Variants in IRS2 observed in about 807,000 individuals in gnomAD.
IRS2 encodes the protein insulin receptor substrate 2.
In IRS2, 28 loss-of-function variants were observed where a neutral mutation model predicts 70.9. The observed-to-expected ratio is 0.39, with a 90% confidence interval of 0.29 to 0.54. The LOEUF is 0.54. IRS2 is among the 20% of genes least tolerant of loss of function. The probability of loss-of-function intolerance (pLI) is 0.59; values close to 1 mark genes in which losing one functional copy is unlikely to be tolerated. For synonymous variants in IRS2, 1,217 were observed against 981.9 expected (o/e 1.24, Z -4.48); for missense variants, 2,081 against 2,024.1 (o/e 1.03, Z -0.54).
Position 109,782,030 on chromosome 13 carries a change from G to C in IRS2, c.4012+12C>G, listed in dbSNP as rs771212848. ...CCTTCCCGCCAGACGCCAAGGCAAAGGGCCTCCTCACCTTTCACGATGGTG... is the reference window on the plus strand; with the variant it reads ...CCTTCCCGCCAGACGCCAAGGCAAACGGCCTCCTCACCTTTCACGATGGTG... On this transcript the variant is annotated intron_variant, in intron 1 of 1. Transcript: ENST00000375856. 3.7e-6 allele frequency: 6 copies of C among 1,611,746 alleles called. No homozygotes were observed. The highest frequency in any genetic ancestry group is 1.6e-4 in the Middle Eastern group (1 of 6,084).
intron 1 of IRS2, among the ~76,000 whole-genome samples, chr13:109,757,958 A>C (rs1290031274): frequency 6.6e-6 from 1 of 152,260 alleles, no homozygotes. Context: ...CTGGGATTAC[A>C]GGCGTGGGCC....
In IRS2 at chr13:109,783,570, G is replaced by A. The variant is rs770864811; in HGVS notation, c.2484C>T (p.Ser828=). The A allele has an allele frequency of 3.9e-6, 6 of 1,549,290 alleles. No homozygotes were observed. The highest frequency in any genetic ancestry group is 3.6e-5 in the South Asian group (3 of 84,012). Reference sequence around the variant, plus strand: ...CCTCCTCCAGGATGCGCCCCACGGGGGAGCTCATGAGCACGTACTGGTCGC... The same window carrying A: ...CCTCCTCCAGGATGCGCCCCACGGGAGAGCTCATGAGCACGTACTGGTCGC... ...GDSDQYVLMS[S]PVGRILEEER... The change falls in exon 1 of 2, where the codon TCC becomes TCT. Residue 828 remains serine (S), a synonymous_variant. Coordinates refer to ENST00000375856, the MANE Select transcript of IRS2 (RefSeq NM_003749.3).
In IRS2 at chr13:109,785,834, C is replaced by G; in HGVS notation, c.220G>C (p.Glu74Gln). ...CACTTTTTCTCGCTCTCGTAGTACT[C>G]GAGCCGCGGCGGTTGCGGCGCCGAC... The part of the protein sequence containing the change: ...GGSAPQPPRL[E>Q]YYESEKKWRS... The change falls in exon 1 of 2, where the codon GAG becomes CAG. Residue 74 changes from glutamate (E) to glutamine (Q), a missense_variant. Physicochemically the swap from Glu to Gln is conservative, Grantham distance 29. Transcript: ENST00000375856. The surrounding 1 kb of genome is among the most constrained non-coding windows in gnomAD (Gnocchi z 9.3). 1 of 1,544,300 alleles carries G rather than the reference C, an allele frequency of 6.5e-7. No individual in the cohort carries two copies. Among genetic ancestry groups the G allele is most frequent in the Non-Finnish European group, 8.7e-7 (1 of 1,152,426 alleles).
rs370070067 is a variant in IRS2 at position 109,784,532 on chromosome 13, C to T, written c.1522G>A (p.Gly508Ser). 243 of 1,521,138 alleles carry T rather than the reference C, an allele frequency of 1.6e-4. No homozygotes were observed. Among genetic ancestry groups the T allele is most frequent in the Middle Eastern group, 7.2e-4 (4 of 5,594 alleles). The allele number at this position is 1,521,138 out of a possible 1,614,324, so 94.2% of individuals were successfully genotyped here. A position where few individuals can be genotyped will look rare whatever the true frequency, so the allele number is the denominator to read the frequency against. Residue 508 changes from glycine to serine, a missense_variant, in exon 1 of 2, where the codon GGC (glycine) becomes AGC (serine). Gly to Ser is a moderately conservative substitution (Grantham distance 56). Transcript: ENST00000375856. The surrounding 1 kb of genome is among the most constrained non-coding windows in gnomAD (Gnocchi z 5.2). ...TGGCTGCAGAAGGCGCGCAGGTCGC[C>T]TGGGCTGGAGCCGTACTCGTCCAGG... ...MSLDEYGSSP[G>S]DLRAFCSHRS...
Position 109,785,555 on chromosome 13 carries a change from G to T in IRS2, c.499C>A (p.Leu167Met). The T allele has an allele frequency of 3.4e-6, 5 of 1,480,748 alleles. No homozygotes were observed. Among genetic ancestry groups the T allele is most frequent in the Non-Finnish European group, 4.5e-6 (5 of 1,111,246 alleles). 91.7% of individuals were successfully genotyped at this position (1,480,748 alleles called of 1,614,324 possible). A position where few individuals can be genotyped will look rare whatever the true frequency, so the allele number is the denominator to read the frequency against. The change falls in exon 1 of 2, where the codon CTG becomes ATG. Residue 167 changes from leucine (L) to methionine (M), a missense_variant. Around this residue, in one of 4 missense-constraint regions of IRS2, gnomAD observed 320 missense variants for 352.9 expected, o/e 0.91. Coordinates refer to ENST00000375856, the MANE Select transcript of IRS2 (RefSeq NM_003749.3). This position sits in a 1 kb window ranked among gnomAD's most constrained non-coding sequence, Gnocchi z 9.3. Reference sequence around the variant, plus strand: ...GCAGAGCCGCCCAGGGCGCCGGGCAGGGAGGCGCTGCAGGACGCGGCGGGC... The same window carrying T: ...GCAGAGCCGCCCAGGGCGCCGGGCATGGAGGCGCTGCAGGACGCGGCGGGC... ...AAPAASCSASLPGALGGSAGA... is the reference protein window; with the variant it reads ...AAPAASCSASMPGALGGSAGA...
Position 109,785,538 on chromosome 13 carries a change from G to C in IRS2, c.516C>G (p.Gly172=), listed in dbSNP as rs2138938527. The C allele has an allele frequency of 6.4e-7, 1 of 1,564,782 alleles. No homozygotes were observed. ...CGGCCCCGGCGGCGCCGGCAGAGCC[G>C]CCCAGGGCGCCGGGCAGGGAGGCGC... ...SCSASLPGAL[G]GSAGAAGAED... is the part of the protein sequence containing the mutation. Residue 172 remains glycine (G), a synonymous_variant, in exon 1 of 2, where the codon GGC becomes GGG. Coordinates refer to ENST00000375856, the MANE Select transcript of IRS2 (RefSeq NM_003749.3). This position sits in a 1 kb window ranked among gnomAD's most constrained non-coding sequence, Gnocchi z 9.3.
rs1404977739 is a variant in IRS2, at chr13:109,783,818, A to C, written c.2236T>G (p.Trp746Gly). The C allele has an allele frequency of 6.3e-7, 1 of 1,591,732 alleles. No homozygotes were observed. The highest frequency in any genetic ancestry group is 8.5e-7 in the Non-Finnish European group (1 of 1,169,646). ...SPEDSGYMRM[W>G]CGSKLSMEHA... ...TCCATGGACAGCTTGGAACCGCACC[A>C]CATGCGCATGTACCCACTGTCCTCG... Residue 746 changes from tryptophan (W) to glycine (G), a missense_variant, in exon 1 of 2, where the codon TGG becomes GGG. Trp to Gly is a radical substitution (Grantham distance 184). This residue lies in a region of IRS2 where 1,615 missense variants were observed against 1,459.5 expected (regional missense o/e 1.11). Coordinates refer to ENST00000375856, the MANE Select transcript of IRS2 (RefSeq NM_003749.3).
rs1199525698 is a variant in IRS2, at chr13:109,782,960, G to A, written c.3094C>T (p.Pro1032Ser). 12 of 1,411,804 alleles carry A rather than the reference G, an allele frequency of 8.5e-6. 1 individual carries two copies. Among genetic ancestry groups the A allele is most frequent in the Non-Finnish European group, 1.1e-5 (12 of 1,080,106 alleles). 87.5% of individuals were successfully genotyped at this position (1,411,804 alleles called of 1,614,324 possible). A position where few individuals can be genotyped will look rare whatever the true frequency, so the allele number is the denominator to read the frequency against. ...TCCCCCGGGGCCGGCGGCGGTGGCG[G>A]CGGCTGCAGAGACGACGACGGGGAC... ...SASPSSSLQP[P>S]PPPPAPGELY... Residue 1032 changes from proline (P) to serine (S), a missense_variant, in exon 1 of 2, where the codon CCG becomes TCG. Physicochemically the swap from Pro to Ser is moderately conservative, Grantham distance 74 (BLOSUM62 -1). Transcript: ENST00000375856.
rs2138935804 is a variant in IRS2, at chr13:109,784,448, C to T, written c.1606G>A (p.Gly536Ser). 1 of 1,584,912 alleles carries T rather than the reference C, an allele frequency of 6.3e-7. No homozygotes were observed. Among genetic ancestry groups the T allele is most frequent in the Non-Finnish European group, 8.6e-7 (1 of 1,162,238 alleles). ...ETPPARDGGG[G>S]GEFYGYMTMD... ...GTCATGTACCCGTAGAACTCACCGCCGCCGCCGCCGTCTCGGGCCGGGGGC... is the reference window on the plus strand; with the variant it reads ...GTCATGTACCCGTAGAACTCACCGCTGCCGCCGCCGTCTCGGGCCGGGGGC... Residue 536 changes from glycine (G) to serine (S), a missense_variant, in exon 1 of 2, where the codon GGC (glycine) becomes AGC (serine). Physicochemically the swap from Gly to Ser is moderately conservative, Grantham distance 56 (BLOSUM62 0). Coordinates refer to ENST00000375856, the MANE Select transcript of IRS2 (RefSeq NM_003749.3). The surrounding 1 kb of genome is among the most constrained non-coding windows in gnomAD (Gnocchi z 5.2).
At position 109,784,200 on chromosome 13, in the gene IRS2, C is replaced by T. The variant is rs1877835886; in HGVS notation, c.1854G>A (p.Ala618=). 1 of 1,574,094 alleles carries T rather than the reference C, an allele frequency of 6.4e-7. No individual in the cohort carries two copies. The highest frequency in any genetic ancestry group is 1.7e-5 in the Admixed American group (1 of 57,628). The change falls in exon 1 of 2, where the codon GCG becomes GCA. Residue 618 remains alanine, a synonymous_variant. Coordinates refer to ENST00000375856, the MANE Select transcript of IRS2 (RefSeq NM_003749.3). The surrounding 1 kb of genome is among the most constrained non-coding windows in gnomAD (Gnocchi z 5.2). ...GGTGGTAGGCCACCTTGGGAGAGGA[C>T]GCGGGGCAGGACGGGCAGAGGCGGC... is the stretch of plus-strand genomic sequence containing the variant. ...SAGRLCPSCP[A]SSPKVAYHPY... is the part of the protein sequence containing the mutation.
At chr13:109,771,542 A>G (rs1410764957) in intron 1 of IRS2, among the ~76,000 whole-genome samples, 1 of 152,246 alleles carries the variant, frequency 6.6e-6, no homozygotes, top group African/African-American at 2.4e-5. Context: ...TACAAGTCTC[A>G]GCACACTCAC....
rs1877861029 is a variant in IRS2, at chr13:109,784,757, T to C, written c.1297A>G (p.Met433Val). The change falls in exon 1 of 2, where the codon ATG becomes GTG. Residue 433 changes from methionine to valine, a missense_variant. By Grantham distance (21) the Met-to-Val change is conservative (BLOSUM62 1). Transcript: ENST00000375856. The surrounding 1 kb of genome is among the most constrained non-coding windows in gnomAD (Gnocchi z 5.2). ...GALQHSRSMS[M>V]PVAHSPPAAT... Reference sequence around the variant, plus strand: ...GCGGGCGGCGAGTGCGCCACGGGCATGGACATGGAGCGGCTGTGTTGCAGC... The same window carrying C: ...GCGGGCGGCGAGTGCGCCACGGGCACGGACATGGAGCGGCTGTGTTGCAGC... The C allele has an allele frequency of 8.1e-7, 1 of 1,239,512 alleles. No individual in the cohort carries two copies. Among genetic ancestry groups the C allele is most frequent in the Non-Finnish European group, 1.0e-6 (1 of 991,946 alleles). 76.8% of individuals were successfully genotyped at this position (1,239,512 alleles called of 1,614,324 possible).
rs2138939267 is a variant in IRS2 at position 109,785,811 on chromosome 13, CT to C, written c.242del (p.Lys81SerfsTer12). 6.3e-7 allele frequency: 1 copy of C among 1,579,584 alleles called. No individual in the cohort carries two copies. The highest frequency in any genetic ancestry group is 8.5e-7 in the Non-Finnish European group (1 of 1,170,672). The part of the protein sequence containing the change: ...PRLEYYESEK[K>X]WRSKAGAPKR... The stretch of plus-strand genomic sequence containing the variant: ...TCGGCGCGCCTGCCTTGCTCCGCCA[CT>C]TTTTCTCGCTCTCGTAGTACTCGAG... On this transcript the variant is annotated frameshift_variant, in exon 1 of 2. Coordinates refer to ENST00000375856, the MANE Select transcript of IRS2 (RefSeq NM_003749.3). LOFTEE classifies it high-confidence loss of function. This position sits in a 1 kb window ranked among gnomAD's most constrained non-coding sequence, Gnocchi z 9.3.
chr13:109,757,030 G>C (rs1877122144), intron 1 of IRS2, among the ~76,000 whole-genome samples: 1 of 152,224 alleles, frequency 6.6e-6, no homozygotes. Context: ...GCTGTGCTCA[G>C]AGGGGACAGG....
chr13:109,768,185 G>T (rs2138917623), intron 1 of IRS2, among the ~76,000 whole-genome samples: 1 of 152,326 alleles, frequency 6.6e-6, no homozygotes, highest in Non-Finnish European at 1.5e-5. Flanking sequence ...CACAGTTCAA[G>T]CAGATAATTC....
At chr13:109,773,569 A>G (rs1233572745) in intron 1 of IRS2, among the ~76,000 whole-genome samples, 1 of 152,240 alleles carries the variant, frequency 6.6e-6, no homozygotes, top group Non-Finnish European at 1.5e-5. Flanking sequence ...GGGGGTCTTC[A>G]TGAAACAATA....
At position 109,783,949 on chromosome 13, in the gene IRS2, ACGGCGGCGGCGGCGGCGG is replaced by A; in HGVS notation, c.2087_2104del (p.Ala696_Ala701del). The A allele has an allele frequency of 6.6e-7, 1 of 1,520,784 alleles. No individual in the cohort carries two copies. Among genetic ancestry groups the A allele is most frequent in the Non-Finnish European group, 8.8e-7 (1 of 1,138,746 alleles). 94.2% of individuals were successfully genotyped at this position (1,520,784 alleles called of 1,614,324 possible). ...TGGCCCCGCAGGCCCCGCAGAAGGCACGGCGGCGGCGGCGGCGGCGGCGGCCCTGGGCTGCAAGATCTG... is the reference window on the plus strand; with the variant it reads ...TGGCCCCGCAGGCCCCGCAGAAGGCACGGCGGCCCTGGGCTGCAAGATCTG... On this transcript the variant is annotated inframe_deletion, in exon 1 of 2. Coordinates refer to ENST00000375856, the MANE Select transcript of IRS2 (RefSeq NM_003749.3).
chr13:109,785,737 T>A lies in IRS2; in HGVS notation c.317A>T (p.Asp106Val). Residue 106 changes from aspartate (D) to valine (V), a missense_variant, in exon 1 of 2, where the codon GAC (aspartate) becomes GTC (valine). Around this residue, in one of 4 missense-constraint regions of IRS2, gnomAD observed 320 missense variants for 352.9 expected, o/e 0.91. Coordinates refer to ENST00000375856, the MANE Select transcript of IRS2 (RefSeq NM_003749.3). This position sits in a 1 kb window ranked among gnomAD's most constrained non-coding sequence, Gnocchi z 9.3. Reference sequence around the variant, plus strand: ...GGCGATCAGGTACTTGTGCTTGGCGTCGGCGCGCTTGTTGATGTTCAGGCA... The same window carrying A: ...GGCGATCAGGTACTTGTGCTTGGCGACGGCGCGCTTGTTGATGTTCAGGCA... ...DCCLNINKRA[D>V]AKHKYLIALY... 1 of 1,597,636 alleles carries A rather than the reference T, an allele frequency of 6.3e-7. No homozygotes were observed. The highest frequency in any genetic ancestry group is 8.5e-7 in the Non-Finnish European group (1 of 1,177,984).
chr13:109,771,981 C>T (rs1238103441), intron 1 of IRS2, among the ~76,000 whole-genome samples: 1 of 152,238 alleles, frequency 6.6e-6, no homozygotes, highest in African/African-American at 2.4e-5. Context: ...TAAAGAAATT[C>T]TGGCCTATTT....
Sources: allele counts gnomAD v4.1 joint callset (sites outside exome capture counted in the v4.1 genomes callset), GRCh38; gene constraint gnomAD v4.1.1; regional missense constraint gnomAD v4.1.1; non-coding constraint Gnocchi (gnomAD v3.1); transcripts MANE v1.5; gene names NCBI Gene and HGNC (gene_info 2026-07-23, HGNC 2026-07-21).